Variants in LDLRAD4 observed in about 807,000 individuals in gnomAD.
The protein encoded by LDLRAD4 is low-density lipoprotein receptor class A domain-containing protein 4.
LDLRAD4 carries 5 observed loss-of-function variants against 17.0 expected under a neutral mutation model. The observed-to-expected ratio is 0.29, with a 90% CI of 0.15 to 0.62. The LOEUF (loss-of-function observed/expected upper bound fraction) is 0.62, where lower values mean the gene tolerates loss of function less well. LDLRAD4 is among the 20% of genes least tolerant of loss of function. LDLRAD4 has a pLI of 0.84. For synonymous variants in LDLRAD4, 168 were observed against 171.8 expected (o/e 0.98, Z 0.17); for missense variants, 340 against 424.7 (o/e 0.80, Z 1.75).
chr18:13,372,819 T>C (rs963453389), intron 1 of LDLRAD4, among the ~76,000 whole-genome samples: 1 of 152,242 alleles, frequency 6.6e-6, no homozygotes, highest in African/African-American at 2.4e-5. Context: ...ACCATGTGTT[T>C]GTGTGTTGTC....
chr18:13,325,534 G>C (rs2081475924), intron 1 of LDLRAD4, among the ~76,000 whole-genome samples: 1 of 152,154 alleles, frequency 6.6e-6, no homozygotes, highest in South Asian at 2.1e-4. Context: ...CCTTTAAAGG[G>C]AGTTTTGGGG....
exon 6 of LDLRAD4, chr18:13,651,155 A>G (rs1465840288): frequency 6.6e-6 from 1 of 152,258 alleles, no homozygotes; most frequent in Admixed American, 6.5e-5. Flanking sequence ...GTCAGGCAAC[A>G]GTGAAAAGTG....
At chr18:13,514,928 T>C (rs2093840928) in intron 3 of LDLRAD4, 1 of 152,098 alleles carries the variant, frequency 6.6e-6, no homozygotes, top group Non-Finnish European at 1.5e-5. Flanking sequence ...CCCTGGACTG[T>C]AACATCTCTC....
chr18:13,255,906 T>C (rs1714676539), intron 1 of LDLRAD4, among the ~76,000 whole-genome samples: 1 of 152,186 alleles, frequency 6.6e-6, no homozygotes, highest in Non-Finnish European at 1.5e-5. Flanking sequence ...ATTGCTTTTA[T>C]TGTGAGGAGA....
chr18:13,417,573 C>T (rs2089025630), intron 2 of LDLRAD4, among the ~76,000 whole-genome samples: 1 of 152,030 alleles, frequency 6.6e-6, no homozygotes, highest in Non-Finnish European at 1.5e-5. Flanking sequence ...GCTGGGACTA[C>T]AGGCGCCCGC....
At chr18:13,649,788 G>C in exon 6 of LDLRAD4, 1 of 371,920 alleles carries the variant, frequency 2.7e-6, no homozygotes, top group Non-Finnish European at 4.8e-6. Flanking sequence ...GTTAACTTTT[G>C]TGTTGCTTGC....
chr18:13,489,472 A>G (rs1417988059), intron 3 of LDLRAD4: 1 of 152,090 alleles, frequency 6.6e-6, no homozygotes, highest in African/African-American at 2.4e-5. Flanking sequence ...CCATTCTTAC[A>G]CCAAATAAGG....
intron 3 of LDLRAD4, among the ~76,000 whole-genome samples, chr18:13,582,944 G>A (rs924284042): frequency 2.0e-5 from 3 of 152,082 alleles, no homozygotes; most frequent in African/African-American, 4.8e-5. Context: ...CTCCAACTCT[G>A]GCCTCAAGTG....
intron 3 of LDLRAD4, chr18:13,614,167 A>T (rs746092197): frequency 3.9e-5 from 6 of 152,210 alleles, no homozygotes; most frequent in Non-Finnish European, 7.3e-5. Context: ...CAGCTTCTAA[A>T]TGGGGAATGC....
At chr18:13,269,944 G>A (rs893517008) in intron 1 of LDLRAD4, among the ~76,000 whole-genome samples, 1 of 152,168 alleles carries the variant, frequency 6.6e-6, no homozygotes, top group Non-Finnish European at 1.5e-5. Flanking sequence ...GCAGGCTCTT[G>A]CTGCTGTGGA....
At chr18:13,617,649 G>T (rs1283485397) in intron 3 of LDLRAD4, among the ~76,000 whole-genome samples, 2 of 152,032 alleles carry the variant, frequency 1.3e-5, no homozygotes, top group Non-Finnish European at 2.9e-5. Context: ...AATATGTAAA[G>T]ATTTCATATA....
At chr18:13,226,490 T>C (rs1045423788) in intron 1 of LDLRAD4, among the ~76,000 whole-genome samples, 25 of 152,134 alleles carry the variant, frequency 1.6e-4, no homozygotes, top group Admixed American at 1.5e-3. Flanking sequence ...ATGCCGAATA[T>C]TATTTAAAAA....
rs148525119 is a variant in LDLRAD4, at chr18:13,270,792, C to T, written c.-466-7313C>T. ...CCAGCACTAAAGAAGTGATCTCTGA[C>T]AGAAGGGAAGAGAAAATGTATTTCA... is the stretch of plus-strand genomic sequence containing the variant. On this transcript the variant is annotated intron_variant, in intron 1 of 5. Transcript: ENST00000399848. 3.3e-5 allele frequency among the ~76,000 whole-genome samples: 5 copies of T among 152,224 alleles called. No individual in the cohort carries two copies. In the East Asian group the frequency reaches 9.6e-4, roughly 29 times the overall value.
At chr18:13,632,557 C>T (rs1207333203) in intron 4 of LDLRAD4, among the ~76,000 whole-genome samples, 1 of 152,244 alleles carries the variant, frequency 6.6e-6, no homozygotes, top group Non-Finnish European at 1.5e-5. Context: ...ACACCAGGAA[C>T]TGCAGAGTCC....
intron 3 of LDLRAD4, among the ~76,000 whole-genome samples, chr18:13,608,507 T>C (rs1333639938): frequency 6.6e-6 from 1 of 152,188 alleles, no homozygotes; most frequent in Non-Finnish European, 1.5e-5. Context: ...CTGAAGCTAA[T>C]GAGCTCTGAG....
In LDLRAD4 at chr18:13,248,023, C is replaced by T. The variant is rs144194928; in HGVS notation, c.-467+29035C>T. Among the ~76,000 whole-genome samples the T allele has an allele frequency of 3.9e-3, 584 of 147,946 alleles. 1 individual carries two copies. Among genetic ancestry groups the T allele is most frequent in the Admixed American group, 9.2e-3 (138 of 14,958 alleles). ...TTGCCCAGGCTGGAGTACAATGGCA[C>T]GATCTTGGCTCACTGCAACCTCCAC... On this transcript the variant is annotated intron_variant, in intron 1 of 5. Transcript: ENST00000399848.
At chr18:13,649,321 ATCT>A (rs1164692074) in exon 6 of LDLRAD4, 3 of 152,190 alleles carry the variant, frequency 2.0e-5, no homozygotes, top group South Asian at 2.1e-4. Context: ...ACTTTTAGAA[ATCT>A]TCTCTGACCT....
intron 1 of LDLRAD4, among the ~76,000 whole-genome samples, chr18:13,297,554 G>T (rs759293865): frequency 6.6e-6 from 1 of 152,216 alleles, no homozygotes; most frequent in Admixed American, 6.5e-5. Flanking sequence ...CAGCACTTTG[G>T]GGGGCTGAGG....
chr18:13,406,387 A>G (rs1440727139), intron 2 of LDLRAD4, among the ~76,000 whole-genome samples: 1 of 152,108 alleles, frequency 6.6e-6, no homozygotes, highest in Non-Finnish European at 1.5e-5. Context: ...GGACCTCTAT[A>G]TGTCAGGAAG....
Sources: gnomAD v4.1 joint callset for allele counts (sites outside exome capture counted in the v4.1 genomes callset) on GRCh38, gnomAD v4.1.1 for gene constraint, MANE v1.5 for transcripts, NCBI Gene and HGNC (gene_info 2026-07-23, HGNC 2026-07-21) for gene names.